The following WWOX variants were observed in gnomAD, a reference collection of about 807,000 sequenced individuals.
WWOX encodes WW domain-containing oxidoreductase.
In WWOX, 69 loss-of-function variants were observed where a neutral mutation model predicts 46.2. The ratio of observed to expected loss-of-function variants is 1.49; its 90% confidence interval spans 1.23 to 1.82. The LOEUF is 1.82. Among genes scored for constraint, WWOX ranks in the 40% most tolerant of loss-of-function variants. The pLI is 0.00. For synonymous variants in WWOX, 359 were observed against 202.6 expected (o/e 1.77, Z -6.56); for missense variants, 919 against 542.6 (o/e 1.69, Z -6.89).
intron 8 of WWOX, among the ~76,000 whole-genome samples, chr16:78,842,315 C>T (rs2052173493): frequency 6.9e-6 from 1 of 144,432 alleles, no homozygotes; most frequent in South Asian, 2.2e-4. Flanking sequence ...GCAACATAGG[C>T]AGACCCCATC....
chr16:78,108,432 G>A lies in WWOX; in HGVS notation c.117G>A (p.Glu39=), dbSNP rs368245025. 1.9e-5 allele frequency: 30 copies of A among 1,613,532 alleles called. No individual in the cohort carries two copies. The highest frequency in any genetic ancestry group is 3.3e-4 in the Middle Eastern group (2 of 6,082). The change falls in exon 2 of 9, where the codon GAG becomes GAA. Residue 39 remains glutamate (E), a synonymous_variant. Coordinates refer to ENST00000566780, the MANE Select transcript of WWOX (RefSeq NM_016373.4). ...DGWVYYANHT[E]EKTQWEHPKT... ...TTTTGTTTTTTAACAGTCACACCGA[G>A]GAGAAGACTCAGTGGGAACATCCAA... is the stretch of plus-strand genomic sequence containing the variant.
At chr16:78,929,694 A>G (rs936248246) in intron 8 of WWOX, among the ~76,000 whole-genome samples, 1 of 152,144 alleles carries the variant, frequency 6.6e-6, no homozygotes, top group Non-Finnish European at 1.5e-5. Context: ...CCAGCTCAGG[A>G]AAGATTTCAG....
chr16:78,782,470 C>G (rs1414909520), intron 8 of WWOX, among the ~76,000 whole-genome samples: 1 of 152,152 alleles, frequency 6.6e-6, no homozygotes, highest in African/African-American at 2.4e-5. Context: ...TCCAACGATT[C>G]TAAATACTCT....
chr16:79,124,523 C>T (rs1231534195), intron 8 of WWOX, among the ~76,000 whole-genome samples: 1 of 152,178 alleles, frequency 6.6e-6, no homozygotes, highest in Non-Finnish European at 1.5e-5. Context: ...GGACTGAGTT[C>T]ATTCTTGTTC....
At chr16:79,169,389 C>T (rs1161241552) in intron 8 of WWOX, among the ~76,000 whole-genome samples, 2 of 152,206 alleles carry the variant, frequency 1.3e-5, no homozygotes, top group Non-Finnish European at 2.9e-5. Flanking sequence ...ACGTCTTCAT[C>T]TGCAAGTTGG....
At chr16:79,152,948 G>A (rs1417798405) in intron 8 of WWOX, among the ~76,000 whole-genome samples, 2 of 152,136 alleles carry the variant, frequency 1.3e-5, no homozygotes, top group African/African-American at 4.8e-5. Flanking sequence ...AGAGAGGACT[G>A]CTCCTAGCGT....
At chr16:78,776,677 G>A (rs1316461953) in intron 8 of WWOX, among the ~76,000 whole-genome samples, 1 of 152,074 alleles carries the variant, frequency 6.6e-6, no homozygotes, top group African/African-American at 2.4e-5. Context: ...AAGAAAAGAG[G>A]TTTAATTGAC....
At chr16:78,251,059 G>C (rs28408387) in intron 5 of WWOX, among the ~76,000 whole-genome samples, 6,819 of 152,204 alleles carry the variant, frequency 0.045, 229 homozygotes, top group African/African-American at 0.094. Flanking sequence ...TCATTCTAAG[G>C]GTATGCTTAC....
At chr16:78,290,811 C>T (rs2079847027) in intron 5 of WWOX, among the ~76,000 whole-genome samples, 1 of 151,812 alleles carries the variant, frequency 6.6e-6, no homozygotes, top group Non-Finnish European at 1.5e-5. Context: ...ACAAATTGTA[C>T]GTATACAAAT....
intron 4 of WWOX, among the ~76,000 whole-genome samples, chr16:78,151,226 A>T (rs116236941): frequency 6.6e-6 from 1 of 152,056 alleles, no homozygotes; most frequent in South Asian, 2.1e-4. Flanking sequence ...ATGAAGACCC[A>T]GTATGTATTT....
chr16:79,175,137 C>G (rs2050775426), intron 8 of WWOX, among the ~76,000 whole-genome samples: 1 of 152,142 alleles, frequency 6.6e-6, no homozygotes, highest in African/African-American at 2.4e-5. Context: ...CTAGCTATGA[C>G]CCCATAAAAG....
At chr16:78,519,057 A>T (rs4319778) in intron 8 of WWOX, among the ~76,000 whole-genome samples, 1 of 152,146 alleles carries the variant, frequency 6.6e-6, no homozygotes, top group African/African-American at 2.4e-5. Flanking sequence ...ATTTAATCTT[A>T]TACATGAGAC....
chr16:78,201,955 C>A (rs1220161582), intron 5 of WWOX, among the ~76,000 whole-genome samples: 1 of 152,088 alleles, frequency 6.6e-6, no homozygotes, highest in Non-Finnish European at 1.5e-5. Context: ...CCCGCCTCGG[C>A]CTCCCAAAGT....
chr16:79,151,435 C>T (rs2050276587), intron 8 of WWOX, among the ~76,000 whole-genome samples: 1 of 152,226 alleles, frequency 6.6e-6, no homozygotes, highest in African/African-American at 2.4e-5. Context: ...CTGGACCAGA[C>T]ATTCCTCAGC....
intron 8 of WWOX, among the ~76,000 whole-genome samples, chr16:79,162,214 G>C (rs1001978457): frequency 1.1e-4 from 16 of 152,126 alleles, no homozygotes; most frequent in Non-Finnish European, 2.1e-4. Context: ...ATGAGATGCT[G>C]GTATGTATCA....
At chr16:78,693,958 C>T (rs2048044815) in intron 8 of WWOX, among the ~76,000 whole-genome samples, 1 of 152,104 alleles carries the variant, frequency 6.6e-6, no homozygotes, top group Non-Finnish European at 1.5e-5. Flanking sequence ...GACGTCTGGA[C>T]GTGGTGGCTC....
intron 5 of WWOX, among the ~76,000 whole-genome samples, chr16:78,197,660 C>T (rs2036097127): frequency 6.6e-6 from 1 of 152,170 alleles, no homozygotes; most frequent in Non-Finnish European, 1.5e-5. Context: ...AATAATACTT[C>T]ACGTCTTTAT....
At chr16:78,368,614 AGGCCAGG>A (rs2081593591) in intron 5 of WWOX, among the ~76,000 whole-genome samples, 1 of 152,232 alleles carries the variant, frequency 6.6e-6, no homozygotes, top group South Asian at 2.1e-4. Context: ...GCTTGCACTG[AGGCCAGG>A]GTGTATTAAC....
At chr16:78,730,609 G>A (rs538624111) in intron 8 of WWOX, among the ~76,000 whole-genome samples, 1 of 135,532 alleles carries the variant, frequency 7.4e-6, no homozygotes, top group South Asian at 2.4e-4. Context: ...ATGCCACCAC[G>A]CCCGGCAATT....
Sources: gnomAD v4.1 joint callset for allele counts (sites outside exome capture counted in the v4.1 genomes callset) on GRCh38, gnomAD v4.1.1 for gene constraint, MANE v1.5 for transcripts, NCBI Gene and HGNC (gene_info 2026-07-23, HGNC 2026-07-21) for gene names.